FCER2: variants seen among roughly 807,000 people sequenced by gnomAD.
FCER2 encodes the protein low affinity immunoglobulin epsilon Fc receptor.
A neutral mutation model predicts 49.7 loss-of-function variants in FCER2; 38 were observed. The observed-to-expected ratio is 0.76, with a 90% CI of 0.59 to 1.00. The LOEUF is 1.00. Ranked by LOEUF, FCER2 falls within the 50% of genes least tolerant of loss-of-function variation. FCER2 has a pLI of 0.00. For synonymous variants in FCER2, 163 were observed against 164.6 expected, an observed-to-expected ratio of 0.99 and a Z score of 0.07; for missense variants, 425 against 419.5, an observed-to-expected ratio of 1.01 and a Z score of -0.11.
At chr19:7,691,628 CACTTCA>C (rs2032874087) in intron 8 of FCER2, among the ~76,000 whole-genome samples, 1 of 152,066 alleles carries the variant, frequency 6.6e-6, no homozygotes, top group Non-Finnish European at 1.5e-5. Context: ...ATGCCAGCAG[CACTTCA>C]ACCACCAACA....
chr19:7,699,517 T>C (rs1239934809), intron 2 of FCER2: 1 of 1,390,564 alleles, frequency 7.2e-7, no homozygotes, highest in Non-Finnish European at 9.4e-7. Context: ...GTCAGGAGGG[T>C]GTTGAATCAG....
At chr19:7,700,435 T>G (rs1243910299) in intron 1 of FCER2, among the ~76,000 whole-genome samples, 2 of 152,194 alleles carry the variant, frequency 1.3e-5, no homozygotes, top group Non-Finnish European at 2.9e-5. Flanking sequence ...TGAGAAATGC[T>G]AAGAGCCCAT....
At chr19:7,691,810 A>G (rs1347002528) in intron 8 of FCER2, among the ~76,000 whole-genome samples, 1 of 151,430 alleles carries the variant, frequency 6.6e-6, no homozygotes, top group Admixed American at 6.6e-5. Flanking sequence ...TCAGTCACCA[A>G]CACCATGACT....
At chr19:7,697,668 G>A in intron 4 of FCER2, 79 bp from the exon 5 acceptor site, 1 of 1,160,940 alleles carries the variant, frequency 8.6e-7, no homozygotes, top group East Asian at 2.4e-5. Flanking sequence ...CCAGGCTCAG[G>A]GACCCTCTCA....
chr19:7,698,374 CTT>C lies in FCER2; in HGVS notation c.170_171del (p.Glu57GlyfsTer20), dbSNP rs1568490703. The C allele has an allele frequency of 6.2e-7, 1 of 1,612,656 alleles. No individual in the cohort carries two copies. The highest frequency in any genetic ancestry group is 8.5e-7 in the Non-Finnish European group (1 of 1,179,108). On this transcript the variant is annotated frameshift_variant, in exon 4 of 11. Coordinates refer to ENST00000597921, the MANE Select transcript of FCER2 (RefSeq NM_001220500.2). LOFTEE classifies it high-confidence loss of function. ...WDTTQSLKQL[E>X]ERAARNVSQV... is the part of the protein sequence containing the mutation. ...TTCATACCGTTCCGGGCAGCCCTCT[CTT>C]CCAGCTGTTTTAGACTCTGTGTGGT...
At position 7,698,362 on chromosome 19, in the gene FCER2, G is replaced by A. The variant is rs2228137; in HGVS notation, c.184C>T (p.Arg62Trp). The change falls in exon 4 of 11, where the codon CGG becomes TGG. Residue 62 changes from arginine (R) to tryptophan (W), a missense_variant. By Grantham distance (101) the Arg-to-Trp change is moderately radical. Transcript: ENST00000597921. Reference protein sequence around the residue: ...SLKQLEERAARNVSQVSKNLE... With the variant: ...SLKQLEERAAWNVSQVSKNLE... ...CACCTTGACCCCTTCATACCGTTCC[G>A]GGCAGCCCTCTCTTCCAGCTGTTTT... The A allele has an allele frequency of 0.15, 239,128 of 1,608,806 alleles. 20,203 individuals carry two copies. The highest frequency in any genetic ancestry group is 0.31 in the African/African-American group (23,402 of 74,760).
rs796690730 is a variant in FCER2, at chr19:7,691,972, T to A, written c.470-1415A>T. ...AACTACCAACACCATTGTCACACAT[T>A]CACATTCACGTCCATCAACACATCA... On this transcript the variant is annotated intron_variant, in intron 8 of 10. Transcript: ENST00000597921. 1.7e-4 allele frequency among the ~76,000 whole-genome samples: 11 copies of A among 64,814 alleles called. 1 individual carries two copies. Among genetic ancestry groups the A allele is most frequent in the African/African-American group, 6.2e-4 (6 of 9,634 alleles). The allele number at this position is 64,814 out of a possible 152,430, so 42.5% of individuals were successfully genotyped here. A position where few individuals can be genotyped will look rare whatever the true frequency, so the allele number is the denominator to read the frequency against.
intron 3 of FCER2, 131 bp downstream of exon 3, chr19:7,698,610 G>A: frequency 6.3e-6 from 8 of 1,270,742 alleles, no homozygotes; most frequent in Non-Finnish European, 8.7e-6. Flanking sequence ...GGCAAGATGG[G>A]AGGCAGGATG....
At position 7,699,742 on chromosome 19, in the gene FCER2, AAT is replaced by A. The variant is rs758395297; in HGVS notation, c.17_18del (p.Tyr6PhefsTer71). 6.2e-7 allele frequency: 1 copy of A among 1,613,832 alleles called. No homozygotes were observed. Among genetic ancestry groups the A allele is most frequent in the Non-Finnish European group, 8.5e-7 (1 of 1,179,842 alleles). On this transcript the variant is annotated frameshift_variant, in exon 2 of 11. Transcript: ENST00000597921. LOFTEE classifies it high-confidence loss of function. ...TAGAACCAGAGAGTCCTCCTACCTG[AAT>A]ATTGACCTTCCTCCATGGCGGTCCT... MEEGQ[Y>X]SEIEELPRRR... is the part of the protein sequence containing the mutation.
At chr19:7,693,646 TG>T (rs1452129138) in intron 8 of FCER2, among the ~76,000 whole-genome samples, 1 of 152,012 alleles carries the variant, frequency 6.6e-6, no homozygotes, top group Non-Finnish European at 1.5e-5. Flanking sequence ...AGATGTTTTT[TG>T]TTTTGTTTTG....
chr19:7,690,026 G>T, intron 10 of FCER2, 133 bp downstream of exon 10: 1 of 643,262 alleles, frequency 1.6e-6, no homozygotes, highest in Non-Finnish European at 2.7e-6. Flanking sequence ...CCCCACTGGC[G>T]TCCTTCTCCC....
chr19:7,697,314 G>A lies in FCER2; in HGVS notation c.254-16C>T, dbSNP rs2033042544. ...ATCTGCGTGGCTGTTTGCAGGGGAG[G>A]GGGCTTCATGGTAAGCAGGTCCTCA... is the stretch of plus-strand genomic sequence containing the variant. On this transcript the variant is annotated splice_polypyrimidine_tract_variant and intron_variant, in intron 5 of 10. Transcript: ENST00000597921. The A allele has an allele frequency of 6.2e-7, 1 of 1,613,684 alleles. No homozygotes were observed. Among genetic ancestry groups the A allele is most frequent in the Non-Finnish European group, 8.5e-7 (1 of 1,179,596 alleles).
At chr19:7,690,312 C>T (rs990622247) in intron 9 of FCER2, 47 bp from the exon 10 acceptor site, 7 of 1,607,258 alleles carry the variant, frequency 4.4e-6, no homozygotes, top group African/African-American at 2.7e-5. Context: ...GTGCCCGGGG[C>T]CTTCCAGCCC....
intron 8 of FCER2, among the ~76,000 whole-genome samples, chr19:7,692,546 G>A (rs1487317090): frequency 1.3e-5 from 2 of 151,026 alleles, no homozygotes; most frequent in East Asian, 3.9e-4. Context: ...CCAGCACCAT[G>A]AACACATTCA....
chr19:7,697,269 G>C lies in FCER2; in HGVS notation c.283C>G (p.Leu95Val), dbSNP rs756249131. The C allele has an allele frequency of 6.2e-7, 1 of 1,614,180 alleles. No individual in the cohort carries two copies. The change falls in exon 6 of 11, where the codon CTT (leucine) becomes GTT (valine). Residue 95 changes from leucine to valine, a missense_variant. Physicochemically the swap from Leu to Val is conservative, Grantham distance 32. Coordinates refer to ENST00000597921, the MANE Select transcript of FCER2 (RefSeq NM_001220500.2). The part of the protein sequence containing the change: ...STQISQELEE[L>V]RAEQQRLKSQ... Reference sequence around the variant, plus strand: ...TTCAATCTCTGCTGTTCAGCTCGAAGTTCCTCCAGTTCCTGTGAAATCTGC... The same window carrying C: ...TTCAATCTCTGCTGTTCAGCTCGAACTTCCTCCAGTTCCTGTGAAATCTGC...
chr19:7,695,281 C>T (rs1440073089), intron 8 of FCER2, among the ~76,000 whole-genome samples: 2 of 152,160 alleles, frequency 1.3e-5, no homozygotes, highest in East Asian at 1.9e-4. Flanking sequence ...ACATTACCCC[C>T]GTCTGGCTCC....
Position 7,689,384 on chromosome 19 carries a change from A to G in FCER2, c.775T>C (p.Cys259Arg). Residue 259 changes from cysteine (C) to arginine (R), a missense_variant, in exon 11 of 11, where the codon TGC (cysteine) becomes CGC (arginine). By Grantham distance (180) the Cys-to-Arg change is radical. Coordinates refer to ENST00000597921, the MANE Select transcript of FCER2 (RefSeq NM_001220500.2). ...CGACCGGAGCCCCGCATCATCACGC[A>G]GTCCTCGCCCTGGCTCCGGCTGGTG... ...EPTSRSQGED[C>R]VMMRGSGRWN... The G allele has an allele frequency of 1.2e-6, 2 of 1,607,960 alleles. No individual in the cohort carries two copies. Among genetic ancestry groups the G allele is most frequent in the Non-Finnish European group, 1.7e-6 (2 of 1,177,638 alleles).
At chr19:7,697,616 C>A (rs777510712) in intron 4 of FCER2, 27 bp from the exon 5 acceptor site, 30 of 1,608,942 alleles carry the variant, frequency 1.9e-5, no homozygotes, top group Non-Finnish European at 2.4e-5. Flanking sequence ...GAAGAGATAT[C>A]CCAGGAACCT....
rs1166373348 is a variant in FCER2 at position 7,690,565 on chromosome 19, G to A, written c.470-8C>T. The A allele has an allele frequency of 1.2e-6, 2 of 1,613,332 alleles. No homozygotes were observed. Among genetic ancestry groups the A allele is most frequent in the South Asian group, 2.2e-5 (2 of 91,036 alleles). Reference sequence around the variant, plus strand: ...ACGTGTTGCACACAAAGCCTGGGGTGGAGGAGAGGCTCGGGGGTGGGGCCA... The same window carrying A: ...ACGTGTTGCACACAAAGCCTGGGGTAGAGGAGAGGCTCGGGGGTGGGGCCA... On this transcript the variant is annotated splice_region_variant and splice_polypyrimidine_tract_variant and intron_variant, in intron 8 of 10. Transcript: ENST00000597921.
Sources: allele counts gnomAD v4.1 joint callset (sites outside exome capture counted in the v4.1 genomes callset), GRCh38; gene constraint gnomAD v4.1.1; transcripts MANE v1.5; gene names NCBI Gene and HGNC (gene_info 2026-07-23, HGNC 2026-07-21).